TBC1D4: variants seen among roughly 807,000 people sequenced by gnomAD.
TBC1D4 encodes the protein TBC1 domain family member 4, also known as TBC (Tre-2, BUB2, CDC16) domain-containing protein.
A neutral mutation model predicts 142.5 loss-of-function variants in TBC1D4; 121 were observed. That is an observed-to-expected ratio of 0.85 (90% CI 0.73 to 0.99). TBC1D4 has a LOEUF of 0.99. TBC1D4 is among the 50% of genes least tolerant of loss of function. The pLI is 0.00. For missense variants in TBC1D4, 1,475 were observed against 1,606.6 expected (o/e 0.92, Z 1.40); for synonymous variants, 630 against 628.2 (o/e 1.00, Z -0.04).
At chr13:75,299,020 C>T (rs999780587) in intron 17 of TBC1D4, among the ~76,000 whole-genome samples, 1 of 152,158 alleles carries the variant, frequency 6.6e-6, no homozygotes, top group Non-Finnish European at 1.5e-5. Context: ...TGATTTGATA[C>T]CTTCTCCATG....
intron 8 of TBC1D4, among the ~76,000 whole-genome samples, chr13:75,336,446 A>C (rs530762026): frequency 6.6e-6 from 1 of 151,966 alleles, no homozygotes; most frequent in Non-Finnish European, 1.5e-5. Flanking sequence ...GGTGGCTCAC[A>C]CCTGTAATGC....
At chr13:75,381,132 G>A (rs1167069330) in intron 1 of TBC1D4, among the ~76,000 whole-genome samples, 1 of 152,094 alleles carries the variant, frequency 6.6e-6, no homozygotes, top group Non-Finnish European at 1.5e-5. Context: ...TCTTAATAAT[G>A]TTAATAAAGT....
chr13:75,315,502 T>G (rs1023676874), intron 12 of TBC1D4, among the ~76,000 whole-genome samples: 1 of 151,620 alleles, frequency 6.6e-6, no homozygotes, highest in Admixed American at 6.6e-5. Context: ...AAAATATGAT[T>G]CAAATGTTCT....
At chr13:75,349,839 T>C (rs1015030326) in intron 4 of TBC1D4, among the ~76,000 whole-genome samples, 4 of 152,224 alleles carry the variant, frequency 2.6e-5, no homozygotes, top group Non-Finnish European at 5.9e-5. Flanking sequence ...AATGCTGGCT[T>C]ATCCCTGTAA....
intron 1 of TBC1D4, among the ~76,000 whole-genome samples, chr13:75,372,295 GTCTC>G (rs1400161730): frequency 2.0e-5 from 3 of 146,886 alleles, no homozygotes; most frequent in South Asian, 2.1e-4. Context: ...TTGAGACCAA[GTCTC>G]TCTCTGTCAC....
intron 1 of TBC1D4, among the ~76,000 whole-genome samples, chr13:75,462,102 A>G (rs1057153808): frequency 6.6e-6 from 1 of 152,222 alleles, no homozygotes; most frequent in African/African-American, 2.4e-5. Context: ...CAAAATTCTC[A>G]TGGCTCTCAC....
intron 1 of TBC1D4, among the ~76,000 whole-genome samples, chr13:75,471,509 G>C (rs186251796): frequency 6.6e-6 from 1 of 152,108 alleles, no homozygotes; most frequent in Non-Finnish European, 1.5e-5. Context: ...AGGCCAAGGC[G>C]GGAGAATCAC....
intron 1 of TBC1D4, among the ~76,000 whole-genome samples, chr13:75,469,566 T>C (rs1888312622): frequency 6.6e-6 from 1 of 151,954 alleles, no homozygotes; most frequent in Admixed American, 6.6e-5. Context: ...AGCCCAGGAG[T>C]TTGAGACCAG....
chr13:75,359,010 G>A (rs748495744), intron 3 of TBC1D4, among the ~76,000 whole-genome samples: 5 of 152,120 alleles, frequency 3.3e-5, no homozygotes, highest in South Asian at 2.1e-4. Context: ...ATAGGCCGGC[G>A]TGGCTTTTCA....
chr13:75,394,753 T>C (rs1049696745), intron 1 of TBC1D4, among the ~76,000 whole-genome samples: 7 of 152,394 alleles, frequency 4.6e-5, no homozygotes, highest in African/African-American at 1.7e-4. Flanking sequence ...AAATCAAATA[T>C]ATCCTTGGCA....
Position 75,476,632 on chromosome 13 carries a change from A to G in TBC1D4, c.498+4638T>C, listed in dbSNP as rs4885298. ...TAAGCTAGAAGATGAAGAGCTTCTT[A>G]AAAATATTCCAGAGTCAAATATTAT... On this transcript the variant is annotated intron_variant, in intron 1 of 20. Coordinates refer to ENST00000377636, the MANE Select transcript of TBC1D4 (RefSeq NM_014832.5). Among the ~76,000 whole-genome samples, 3 of 152,070 alleles carry G rather than the reference A, an allele frequency of 2.0e-5. No individual in the cohort carries two copies. In the East Asian group the frequency reaches 5.8e-4, roughly 29 times the overall value.
At chr13:75,398,138 C>G (rs923562877) in intron 1 of TBC1D4, among the ~76,000 whole-genome samples, 1 of 152,208 alleles carries the variant, frequency 6.6e-6, no homozygotes, top group African/African-American at 2.4e-5. Context: ...CTTGGACGTT[C>G]TAGTCCTGGC....
At chr13:75,428,181 T>A (rs913859827) in intron 1 of TBC1D4, among the ~76,000 whole-genome samples, 11 of 152,092 alleles carry the variant, frequency 7.2e-5, no homozygotes, top group Non-Finnish European at 1.2e-4. Context: ...TGGGGAGGAC[T>A]TGGGGGGAGT....
chr13:75,341,829 A>G (rs1880731042), intron 5 of TBC1D4, among the ~76,000 whole-genome samples: 1 of 152,164 alleles, frequency 6.6e-6, no homozygotes, highest in Admixed American at 6.5e-5. Flanking sequence ...ATTACTAACA[A>G]CGGGCCGGGC....
At chr13:75,368,170 C>T (rs1305700314) in intron 1 of TBC1D4, among the ~76,000 whole-genome samples, 1 of 152,104 alleles carries the variant, frequency 6.6e-6, no homozygotes, top group African/African-American at 2.4e-5. Context: ...TAGAGTAATA[C>T]ACTGATTTGA....
At chr13:75,361,985 A>G in intron 2 of TBC1D4, 41 bp downstream of exon 2, 1 of 1,611,772 alleles carries the variant, frequency 6.2e-7, no homozygotes. Context: ...TCCATCTGGC[A>G]CCTTTTGGGG....
chr13:75,399,708 A>G (rs4133959), intron 1 of TBC1D4, among the ~76,000 whole-genome samples: 151,547 of 152,310 alleles, frequency 0.99, 75,399 homozygotes, highest in Middle Eastern at 1. Flanking sequence ...TTAAATATGC[A>G]CCCATAAATT....
At chr13:75,452,079 A>G (rs1342262384) in intron 1 of TBC1D4, among the ~76,000 whole-genome samples, 2 of 151,998 alleles carry the variant, frequency 1.3e-5, no homozygotes, top group South Asian at 2.1e-4. Flanking sequence ...ATTTCATTAC[A>G]CCACTTACTT....
intron 9 of TBC1D4, 47 bp from the exon 10 acceptor site, chr13:75,326,470 G>A: frequency 1.3e-6 from 2 of 1,593,938 alleles, no homozygotes; most frequent in Non-Finnish European, 1.7e-6. Context: ...CGTGGGTCAT[G>A]GCAGACCTGC....
Sources: gnomAD v4.1 joint callset for allele counts (sites outside exome capture counted in the v4.1 genomes callset) on GRCh38, gnomAD v4.1.1 for gene constraint, MANE v1.5 for transcripts, NCBI Gene and HGNC (gene_info 2026-07-23, HGNC 2026-07-21) for gene names.